Variants in ATL2 observed in about 807,000 individuals in gnomAD.
ATL2 encodes the protein atlastin GTPase 2.
A neutral mutation model predicts 73.9 loss-of-function variants in ATL2; 31 were observed. The observed-to-expected ratio is 0.42, with a 90% CI of 0.32 to 0.57. The LOEUF (loss-of-function observed/expected upper bound fraction) is 0.57. Ranked by LOEUF, ATL2 falls within the 20% of genes least tolerant of loss-of-function variation. The probability of loss-of-function intolerance (pLI) is 0.14; values close to 1 mark genes in which losing one functional copy is unlikely to be tolerated. For synonymous variants in ATL2, 291 were observed against 237.5 expected, an observed-to-expected ratio of 1.23 and a Z score of -2.07; for missense variants, 738 against 702.6, an observed-to-expected ratio of 1.05 and a Z score of -0.57.
At chr2:38,314,402 T>C (rs1667917577) in intron 6 of ATL2, among the ~76,000 whole-genome samples, 1 of 151,790 alleles carries the variant, frequency 6.6e-6, no homozygotes, top group Non-Finnish European at 1.5e-5. Flanking sequence ...GCATTAAGAA[T>C]TAGCCTAGAT....
intron 6 of ATL2, among the ~76,000 whole-genome samples, chr2:38,313,913 T>C (rs558874220): frequency 2.8e-4 from 42 of 152,288 alleles, no homozygotes; most frequent in African/African-American, 8.9e-4. Context: ...AAAACTGATA[T>C]AGGCCAAATA....
chr2:38,339,946 C>T (rs991748355), intron 2 of ATL2, among the ~76,000 whole-genome samples: 1 of 152,298 alleles, frequency 6.6e-6, no homozygotes, highest in Non-Finnish European at 1.5e-5. Context: ...CCACCTCGGC[C>T]TCCCAAAGTG....
At position 38,298,368 on chromosome 2, in the gene ATL2, A is replaced by G. The variant is rs767321402; in HGVS notation, c.1408T>C (p.Tyr470His). The G allele has an allele frequency of 5.6e-6, 9 of 1,614,092 alleles. No individual in the cohort carries two copies. The East Asian group carries it at 8.9e-5, about 16-fold the overall frequency. The stretch of plus-strand genomic sequence containing the variant: ...AGTGTGGCTGGGGTACGAGCAGCAT[A>G]GAAGATATTTTTGCCATCATTGTGC... ...IKHNDGKNIF[Y>H]AARTPATLFA... Residue 470 changes from tyrosine (Y) to histidine (H), a missense_variant, in exon 12 of 13, where the codon TAT (tyrosine) becomes CAT (histidine). Physicochemically the swap from Tyr to His is moderately conservative, Grantham distance 83. Coordinates refer to ENST00000378954, the MANE Select transcript of ATL2 (RefSeq NM_001135673.4).
intron 7 of ATL2, among the ~76,000 whole-genome samples, chr2:38,312,143 G>A (rs1386688121): frequency 6.6e-6 from 1 of 152,174 alleles, no homozygotes; most frequent in Admixed American, 6.5e-5. Context: ...GGGTCTTTAT[G>A]TATCCTTTGT....
intron 1 of ATL2, among the ~76,000 whole-genome samples, chr2:38,367,444 AT>A (rs1444830979): frequency 3.3e-5 from 5 of 151,006 alleles, no homozygotes; most frequent in African/African-American, 1.2e-4. Context: ...TCTATTAAAA[AT>A]ACAAAAAAAA....
intron 9 of ATL2, among the ~76,000 whole-genome samples, chr2:38,305,467 T>G (rs1355766732): frequency 6.6e-6 from 1 of 152,090 alleles, no homozygotes; most frequent in African/African-American, 2.4e-5. Context: ...GAGAATCACT[T>G]GAACCTGGGA....
At chr2:38,326,299 A>G (rs1184831201) in intron 2 of ATL2, among the ~76,000 whole-genome samples, 1 of 152,220 alleles carries the variant, frequency 6.6e-6, no homozygotes, top group Admixed American at 6.5e-5. Flanking sequence ...CAGCTAAAAA[A>G]CACGTTAAAC....
At chr2:38,304,841 T>C (rs931624868) in intron 9 of ATL2, among the ~76,000 whole-genome samples, 1 of 151,804 alleles carries the variant, frequency 6.6e-6, no homozygotes, top group Non-Finnish European at 1.5e-5. Context: ...AAAATCACCT[T>C]CACTAAAAGG....
intron 1 of ATL2, among the ~76,000 whole-genome samples, chr2:38,360,241 G>A (rs17022602): frequency 0.11 from 17,050 of 148,792 alleles, 3,002 homozygotes; most frequent in African/African-American, 0.38. Flanking sequence ...TCTAGAATAA[G>A]CGATGGCTCA....
intron 1 of ATL2, among the ~76,000 whole-genome samples, chr2:38,364,248 T>G (rs898915022): frequency 2.0e-5 from 3 of 151,878 alleles, no homozygotes; most frequent in Admixed American, 1.3e-4. Flanking sequence ...GGCAACAGAG[T>G]GAGACTCCAT....
At position 38,343,560 on chromosome 2, in the gene ATL2, G is replaced by C. The variant is rs199928693; in HGVS notation, c.119-48C>G. Reference sequence around the variant, plus strand: ...CTGGTTACTTTAATCCCTATATTACGAACTTTCATTAAGGACCACAACTAA... The same window carrying C: ...CTGGTTACTTTAATCCCTATATTACCAACTTTCATTAAGGACCACAACTAA... On this transcript the variant is annotated intron_variant, in intron 1 of 12. Transcript: ENST00000378954. 16 of 1,557,886 alleles carry C rather than the reference G, an allele frequency of 1.0e-5. No homozygotes were observed. In the Admixed American group the frequency reaches 3.1e-4, roughly 30 times the overall value.
chr2:38,354,108 C>G (rs1478292925), intron 1 of ATL2: 2 of 402,168 alleles, frequency 5.0e-6, no homozygotes, highest in African/African-American at 4.5e-5. Flanking sequence ...AGAGGAATCA[C>G]TTGAACCCGG....
chr2:38,313,316 A>C, intron 6 of ATL2, 73 bp from the exon 7 acceptor site: 1 of 1,050,376 alleles, frequency 9.5e-7, no homozygotes, highest in South Asian at 1.5e-5. Context: ...AACTCTTAAC[A>C]ATTGAAGCCT....
chr2:38,355,593 C>T (rs1395374967), intron 1 of ATL2, among the ~76,000 whole-genome samples: 1 of 152,068 alleles, frequency 6.6e-6, no homozygotes, highest in Non-Finnish European at 1.5e-5. Flanking sequence ...AAAATGTGTA[C>T]TCATCAGAAA....
Position 38,343,519 on chromosome 2 carries a change from T to A in ATL2, c.119-7A>T, listed in dbSNP as rs1359441289. The A allele has an allele frequency of 1.3e-6, 2 of 1,599,568 alleles. No individual in the cohort carries two copies. The highest frequency in any genetic ancestry group is 1.7e-4 in the Middle Eastern group (1 of 6,028). On this transcript the variant is annotated splice_polypyrimidine_tract_variant and splice_region_variant and intron_variant, in intron 1 of 12. Coordinates refer to ENST00000378954, the MANE Select transcript of ATL2 (RefSeq NM_001135673.4). ...TCATCTTCATAATTCTCACCTAGAA[T>A]TTAAAAAGAAAGAAACTGGTTACTT...
chr2:38,323,375 T>TC (rs1491566060), intron 2 of ATL2, among the ~76,000 whole-genome samples: 1 of 131,078 alleles, frequency 7.6e-6, no homozygotes, highest in African/African-American at 3.8e-5. Flanking sequence ...TTTTTTTTTT[T>TC]GAGATGGGGT....
At chr2:38,347,619 T>G (rs1333979586) in intron 1 of ATL2, among the ~76,000 whole-genome samples, 2 of 152,150 alleles carry the variant, frequency 1.3e-5, no homozygotes, top group Non-Finnish European at 2.9e-5. Context: ...AGTGTGCCAC[T>G]AAAGTAAGGA....
At chr2:38,342,443 T>C (rs759990603) in intron 2 of ATL2, among the ~76,000 whole-genome samples, 1 of 152,104 alleles carries the variant, frequency 6.6e-6, no homozygotes, top group Non-Finnish European at 1.5e-5. Context: ...GAGCCAAGAA[T>C]ACCATAATAT....
At chr2:38,349,829 A>G (rs527326654) in intron 1 of ATL2, among the ~76,000 whole-genome samples, 1 of 152,298 alleles carries the variant, frequency 6.6e-6, no homozygotes, top group South Asian at 2.1e-4. Context: ...ATGTGTCTAC[A>G]TATTTGTCAC....
Sources: allele counts gnomAD v4.1 joint callset (sites outside exome capture counted in the v4.1 genomes callset), GRCh38; gene constraint gnomAD v4.1.1; transcripts MANE v1.5; gene names NCBI Gene and HGNC (gene_info 2026-07-23, HGNC 2026-07-21).